Variants in TFPI observed in about 807,000 individuals in gnomAD.
TFPI encodes the protein anti-convertin.
TFPI carries 15 observed loss-of-function variants against 34.6 expected under a neutral mutation model. The observed-to-expected ratio is 0.43, with a 90% CI of 0.29 to 0.67. The LOEUF is 0.67. Ranked by LOEUF, TFPI falls within the 30% of genes least tolerant of loss-of-function variation. The pLI, the probability that TFPI is intolerant of heterozygous loss-of-function variation, is 0.15. For missense variants in TFPI, 301 were observed against 364.0 expected, an observed-to-expected ratio of 0.83 and a Z score of 1.41; for synonymous variants, 105 against 120.1, an observed-to-expected ratio of 0.87 and a Z score of 0.82.
At chr2:187,490,294 T>G (rs1685031997) in intron 3 of TFPI, among the ~76,000 whole-genome samples, 1 of 151,680 alleles carries the variant, frequency 6.6e-6, no homozygotes, top group African/African-American at 2.4e-5. Context: ...TCCTTAGTGA[T>G]TGTTGTTTAC....
chr2:187,506,799 C>A (rs1481557455), intron 1 of TFPI, among the ~76,000 whole-genome samples: 1 of 152,010 alleles, frequency 6.6e-6, no homozygotes, highest in African/African-American at 2.4e-5. Context: ...TACATACTAC[C>A]AACATAATTT....
chr2:187,485,263 ACC>A (rs2106017676), intron 4 of TFPI, among the ~76,000 whole-genome samples: 2 of 151,822 alleles, frequency 1.3e-5, no homozygotes, highest in East Asian at 3.9e-4. Flanking sequence ...TTTACCATGT[ACC>A]ACTCTTGCTT....
At chr2:187,551,900 C>T (rs1268772541) in intron 1 of TFPI, among the ~76,000 whole-genome samples, 1 of 151,820 alleles carries the variant, frequency 6.6e-6, no homozygotes, top group South Asian at 2.1e-4. Context: ...AGATGGTAAA[C>T]AAAAAAGGAT....
rs552848287 is a variant in TFPI at position 187,480,361 on chromosome 2, G to C, written c.628+3763C>G. Among the ~76,000 whole-genome samples the C allele has an allele frequency of 4.0e-4, 61 of 152,140 alleles. No homozygotes were observed. In the East Asian group the frequency reaches 9.5e-3, roughly 24 times the overall value. On this transcript the variant is annotated intron_variant, in intron 6 of 7. Transcript: ENST00000233156. ...ACGAACTGACTAGATATCAGGCACT[G>C]TCCTAAGAAAGTTATGTATTTTGAC...
At chr2:187,467,281 T>G (rs1574354192) in intron 7 of TFPI, among the ~76,000 whole-genome samples, 1 of 152,130 alleles carries the variant, frequency 6.6e-6, no homozygotes, top group African/African-American at 2.4e-5. Flanking sequence ...GTTCCTCTTC[T>G]GTTACAAATC....
At chr2:187,516,441 G>GTTTT (rs1687008360) in intron 1 of TFPI, 1 of 152,146 alleles carries the variant, frequency 6.6e-6, no homozygotes, top group South Asian at 2.1e-4. Context: ...TCCCTTGTTT[G>GTTTT]CTACCTGTAC....
intron 1 of TFPI, among the ~76,000 whole-genome samples, chr2:187,508,253 C>T (rs1686366003): frequency 6.6e-6 from 1 of 152,146 alleles, no homozygotes; most frequent in Non-Finnish European, 1.5e-5. Flanking sequence ...GTGATGCCTC[C>T]AGCTTTGCTC....
intron 1 of TFPI, among the ~76,000 whole-genome samples, chr2:187,506,775 C>T (rs1273826542): frequency 6.6e-6 from 1 of 152,056 alleles, no homozygotes; most frequent in Non-Finnish European, 1.5e-5. Context: ...ATTTTTGTCA[C>T]ATTATGACAA....
At chr2:187,510,913 G>A (rs889462842) in intron 1 of TFPI, among the ~76,000 whole-genome samples, 4 of 152,138 alleles carry the variant, frequency 2.6e-5, no homozygotes, top group African/African-American at 4.8e-5. Context: ...TCTTTAACCC[G>A]GTGTCTGAGG....
chr2:187,493,203 A>T (rs1685237473), intron 3 of TFPI, among the ~76,000 whole-genome samples: 1 of 152,126 alleles, frequency 6.6e-6, no homozygotes, highest in Non-Finnish European at 1.5e-5. Context: ...TCAATTCTTG[A>T]CTTCGGTATA....
chr2:187,544,550 T>TG (rs1688752617), intron 1 of TFPI: 1 of 150,490 alleles, frequency 6.6e-6, no homozygotes, highest in South Asian at 2.2e-4. Flanking sequence ...ACTAAAAGAC[T>TG]GGCTAGCTTG....
chr2:187,544,580 T>C (rs1688755596), intron 1 of TFPI: 1 of 151,070 alleles, frequency 6.6e-6, no homozygotes, highest in African/African-American at 2.4e-5. Flanking sequence ...GGCGAAGGTT[T>C]CAGTGAGCTG....
intron 6 of TFPI, among the ~76,000 whole-genome samples, chr2:187,481,724 GGAGGAATGTTGATTTT>G (rs1490212163): frequency 6.6e-6 from 1 of 151,892 alleles, no homozygotes; most frequent in Non-Finnish European, 1.5e-5. Context: ...CAAATTGGCC[GGAGGAATGTTGATTTT>G]GAGGCCAATA....
intron 1 of TFPI, among the ~76,000 whole-genome samples, chr2:187,537,948 A>G (rs2106286939): frequency 1.3e-5 from 2 of 152,368 alleles, no homozygotes; most frequent in South Asian, 4.1e-4. Flanking sequence ...ACTTCTCAAA[A>G]GAAGACATTT....
At chr2:187,525,080 G>C (rs913385122) in intron 1 of TFPI, among the ~76,000 whole-genome samples, 1 of 151,860 alleles carries the variant, frequency 6.6e-6, no homozygotes, top group Non-Finnish European at 1.5e-5. Context: ...ACACAAGAAA[G>C]GAAAGGAAAG....
chr2:187,484,345 CA>C (rs1375183945), intron 5 of TFPI, 129 bp from the exon 6 acceptor site: 12 of 670,756 alleles, frequency 1.8e-5, no homozygotes, highest in Non-Finnish European at 2.5e-5. Flanking sequence ...GTTAAATTAG[CA>C]AACAGTGAAT....
In TFPI at chr2:187,484,948, A is replaced by C; in HGVS notation, c.398T>G (p.Ile133Arg). The change falls in exon 5 of 8, where the codon ATA (isoleucine) becomes AGA (arginine). Residue 133 changes from isoleucine (I) to arginine (R), a missense_variant. Ile to Arg is a moderately conservative substitution (Grantham distance 97). Coordinates refer to ENST00000233156, the MANE Select transcript of TFPI (RefSeq NM_006287.6). ...ATACCTGGTAATATAACCTCGACATATTCCAGGATCTTCTTCCAAAAAGCA... is the reference window on the plus strand; with the variant it reads ...ATACCTGGTAATATAACCTCGACATCTTCCAGGATCTTCTTCCAAAAAGCA... ...DFCFLEEDPGICRGYITRYFY... is the reference protein window; with the variant it reads ...DFCFLEEDPGRCRGYITRYFY... 6.5e-7 allele frequency: 1 copy of C among 1,529,348 alleles called. No homozygotes were observed. The highest frequency in any genetic ancestry group is 1.4e-5 in the South Asian group (1 of 72,714). 94.7% of individuals were successfully genotyped at this position (1,529,348 alleles called of 1,614,324 possible). A position where few individuals can be genotyped will look rare whatever the true frequency, so the allele number is the denominator to read the frequency against.
chr2:187,478,908 TTA>T, intron 6 of TFPI: 1 of 871,786 alleles, frequency 1.1e-6, no homozygotes, highest in Non-Finnish European at 1.7e-6. Context: ...GTATAGTACA[TTA>T]TGTTTTTCTT....
rs200340379 is a variant in TFPI at position 187,466,924 on chromosome 2, G to A, written c.*12C>T. On this transcript the variant is annotated 3_prime_UTR_variant, in exon 8 of 8. Coordinates refer to ENST00000233156, the MANE Select transcript of TFPI (RefSeq NM_006287.6). ...TATTTAGTAGAATTAATGTTACATT[G>A]CTATAACAAATTCACATATTTTTAA... The A allele has an allele frequency of 5.3e-6, 7 of 1,330,532 alleles. No homozygotes were observed. In the East Asian group the frequency reaches 1.7e-4, roughly 32 times the overall value. The allele number at this position is 1,330,532 out of a possible 1,614,324, so 82.4% of individuals were successfully genotyped here.
Sources: allele counts gnomAD v4.1 joint callset (sites outside exome capture counted in the v4.1 genomes callset), GRCh38; gene constraint gnomAD v4.1.1; transcripts MANE v1.5; gene names NCBI Gene and HGNC (gene_info 2026-07-23, HGNC 2026-07-21).